The following TMEM44 variants were observed in gnomAD, a reference collection of about 807,000 sequenced individuals.
The protein encoded by TMEM44 is transmembrane protein 44.
In TMEM44, 43 loss-of-function variants were observed where a neutral mutation model predicts 47.8. The observed-to-expected ratio is 0.90, with a 90% confidence interval of 0.70 to 1.16. The LOEUF (loss-of-function observed/expected upper bound fraction) is 1.16, where lower values mean the gene tolerates loss of function less well. Ranked by LOEUF, TMEM44 falls within the 50% of genes most tolerant of loss-of-function variation. The pLI, the probability that TMEM44 is intolerant of heterozygous loss-of-function variation, is 0.00. For synonymous variants in TMEM44, 277 were observed against 238.8 expected (o/e 1.16, Z -1.48); for missense variants, 568 against 555.2 (o/e 1.02, Z -0.23).
rs937656914 is a variant in TMEM44 at position 194,588,440 on chromosome 3, C to T, written c.*89G>A. The stretch of plus-strand genomic sequence containing the variant: ...TTGCCAGGGCAGCTTCAGTTCCTGC[C>T]GCGGTGTCAGTGCAGATTGATTCCC... On this transcript the variant is annotated 3_prime_UTR_variant, in exon 10 of 10. Transcript: ENST00000347147. 1.9e-5 allele frequency: 22 copies of T among 1,160,440 alleles called. No homozygotes were observed. The highest frequency in any genetic ancestry group is 4.5e-5 in the African/African-American group (3 of 66,136). The allele number at this position is 1,160,440 out of a possible 1,614,324, so 71.9% of individuals were successfully genotyped here. A position where few individuals can be genotyped will look rare whatever the true frequency, so the allele number is the denominator to read the frequency against.
In TMEM44 at chr3:194,611,893, G is replaced by A. The variant is rs2109185144; in HGVS notation, c.913-873C>T. Among the ~76,000 whole-genome samples, 1 of 152,210 alleles carries A rather than the reference G, an allele frequency of 6.6e-6. No individual in the cohort carries two copies. Among genetic ancestry groups the A allele is most frequent in the African/African-American group, 2.4e-5 (1 of 41,536 alleles). ...AAAAATTGGCTGGGCAAGGTGGCGT[G>A]TGTCTGTAATCCTAGCTACGTGGGA... On this transcript the variant is annotated intron_variant, in intron 7 of 9. Transcript: ENST00000347147. This position sits in a 1 kb window ranked among gnomAD's most constrained non-coding sequence, Gnocchi z 4.2.
chr3:194,593,834 A>AG (rs1713047366), intron 9 of TMEM44, among the ~76,000 whole-genome samples: 1 of 152,014 alleles, frequency 6.6e-6, no homozygotes, highest in Non-Finnish European at 1.5e-5. Flanking sequence ...TTTTTGAGAG[A>AG]GGGGCTTGCT....
intron 9 of TMEM44, among the ~76,000 whole-genome samples, chr3:194,603,885 G>A (rs1019020027): frequency 3.3e-5 from 5 of 151,510 alleles, no homozygotes; most frequent in East Asian, 1.9e-4. Flanking sequence ...ACGGAGTCTC[G>A]TTCTGTTGCC....
At chr3:194,593,246 T>C (rs973425982) in intron 9 of TMEM44, among the ~76,000 whole-genome samples, 1 of 152,136 alleles carries the variant, frequency 6.6e-6, no homozygotes, top group Non-Finnish European at 1.5e-5. Flanking sequence ...CAGCAGCTAC[T>C]AGCAGTTACA....
chr3:194,592,865 G>A (rs1000075936), intron 9 of TMEM44, among the ~76,000 whole-genome samples: 6 of 152,046 alleles, frequency 3.9e-5, no homozygotes, highest in Non-Finnish European at 5.9e-5. Context: ...CGCCCACCTC[G>A]GCCTCCCAAA....
intron 1 of TMEM44, chr3:194,632,821 G>A: frequency 2.0e-6 from 1 of 495,992 alleles, no homozygotes; most frequent in South Asian, 2.2e-5. Context: ...TAGCACCCAG[G>A]GCTCGCGGTG....
At chr3:194,629,678 G>A (rs908733445) in intron 1 of TMEM44, among the ~76,000 whole-genome samples, 4 of 145,940 alleles carry the variant, frequency 2.7e-5, no homozygotes, top group Non-Finnish European at 4.5e-5. Context: ...TGTTTCCATC[G>A]GCGTCACTGA....
rs1480990161 is a variant in TMEM44, at chr3:194,623,133, C to G, written c.612+91G>C. 6.2e-6 allele frequency: 8 copies of G among 1,292,566 alleles called. No homozygotes were observed. The Admixed American group carries it at 1.9e-4, about 30-fold the overall frequency. The allele number at this position is 1,292,566 out of a possible 1,614,324, so 80.1% of individuals were successfully genotyped here. On this transcript the variant is annotated intron_variant, in intron 5 of 9. Transcript: ENST00000347147. ...CATGTCCATGCACCCACGGTGACGC[C>G]ACACCTCCGCCCCATGACCCTCTCA... is the stretch of plus-strand genomic sequence containing the variant.
intron 1 of TMEM44, 49 bp from the exon 2 acceptor site, chr3:194,628,558 C>G: frequency 9.0e-6 from 14 of 1,548,054 alleles, no homozygotes; most frequent in Non-Finnish European, 1.2e-5. Context: ...GAGTTTGGAC[C>G]CAAACGCATG....
intron 5 of TMEM44, among the ~76,000 whole-genome samples, chr3:194,621,688 C>T (rs1006159969): frequency 6.6e-6 from 1 of 152,074 alleles, no homozygotes; most frequent in African/African-American, 2.4e-5. Flanking sequence ...CCTGGAGCTG[C>T]TATTCAACCA....
In TMEM44 at chr3:194,633,302, T is replaced by C; in HGVS notation, c.-87A>G. Reference sequence around the variant, plus strand: ...AAGCCCCGAGCGCCGCCGCCCCGCGTGCCCTTCTCTGGGTTCCGTTCCGCC... The same window carrying C: ...AAGCCCCGAGCGCCGCCGCCCCGCGCGCCCTTCTCTGGGTTCCGTTCCGCC... On this transcript the variant is annotated 5_prime_UTR_variant, in exon 1 of 10. Transcript: ENST00000347147. 1 of 626,140 alleles carries C rather than the reference T, an allele frequency of 1.6e-6. No individual in the cohort carries two copies. The highest frequency in any genetic ancestry group is 2.0e-6 in the Non-Finnish European group (1 of 495,678). 38.8% of individuals were successfully genotyped at this position (626,140 alleles called of 1,614,324 possible). A position where few individuals can be genotyped will look rare whatever the true frequency, so the allele number is the denominator to read the frequency against.
intron 9 of TMEM44, among the ~76,000 whole-genome samples, chr3:194,598,483 T>A (rs950474529): frequency 6.6e-6 from 1 of 152,222 alleles, no homozygotes; most frequent in African/African-American, 2.4e-5. Context: ...ACCCCAGCCC[T>A]GCCACTTCTT....
chr3:194,616,430 C>G, intron 6 of TMEM44: 1 of 380,256 alleles, frequency 2.6e-6, no homozygotes, highest in African/African-American at 2.1e-5. Flanking sequence ...GGACTGGGCC[C>G]TAACTCCAAC....
chr3:194,617,878 C>G (rs1045983942), intron 5 of TMEM44: 22 of 620,176 alleles, frequency 3.5e-5, no homozygotes, highest in East Asian at 3.2e-4. Flanking sequence ...CTCCTGAGAT[C>G]TGGCTGTTCA....
chr3:194,631,033 C>T lies in TMEM44; in HGVS notation c.137+2046G>A, dbSNP rs370964485. Among the ~76,000 whole-genome samples the T allele has an allele frequency of 2.4e-3, 363 of 148,170 alleles. 1 individual carries two copies. Among genetic ancestry groups the T allele is most frequent in the Non-Finnish European group, 4.2e-3 (284 of 67,120 alleles). ...GCCTCCCGAAGGGGCTGGCTGTTTC[C>T]GTCGGCATCACTGATAGGGCCTCTG... On this transcript the variant is annotated intron_variant, in intron 1 of 9. Coordinates refer to ENST00000347147, the MANE Select transcript of TMEM44 (RefSeq NM_001011655.3).
intron 7 of TMEM44, 113 bp downstream of exon 7, chr3:194,615,456 A>G (rs1166358582): frequency 7.0e-7 from 1 of 1,426,676 alleles, no homozygotes; most frequent in Non-Finnish European, 9.5e-7. Context: ...GCCTGCAGAG[A>G]ACACTCGGCA....
At chr3:194,625,625 C>T (rs1036279323) in intron 3 of TMEM44, among the ~76,000 whole-genome samples, 16 of 152,110 alleles carry the variant, frequency 1.1e-4, no homozygotes, top group African/African-American at 2.4e-4. Context: ...GAATTACAGG[C>T]GCACGCCACC....
Position 194,633,230 on chromosome 3 carries a change from C to G in TMEM44, c.-15G>C. On this transcript the variant is annotated 5_prime_UTR_variant, in exon 1 of 10. Coordinates refer to ENST00000347147, the MANE Select transcript of TMEM44 (RefSeq NM_001011655.3). ...GCCTCCCCCATGGCGCGGCTGGGCGCGCGGCGCGGGGCCGGGGACCTGGGC... is the reference window on the plus strand; with the variant it reads ...GCCTCCCCCATGGCGCGGCTGGGCGGGCGGCGCGGGGCCGGGGACCTGGGC... 7.3e-7 allele frequency: 1 copy of G among 1,362,410 alleles called. No homozygotes were observed. The highest frequency in any genetic ancestry group is 9.5e-7 in the Non-Finnish European group (1 of 1,054,964). The allele number at this position is 1,362,410 out of a possible 1,614,324, so 84.4% of individuals were successfully genotyped here.
At chr3:194,597,788 C>T (rs1162736700) in intron 9 of TMEM44, among the ~76,000 whole-genome samples, 1 of 152,138 alleles carries the variant, frequency 6.6e-6, no homozygotes, top group Admixed American at 6.6e-5. Context: ...GTAAAAACAA[C>T]AGTGAAATGG....
Sources: allele counts gnomAD v4.1 joint callset (sites outside exome capture counted in the v4.1 genomes callset), GRCh38; gene constraint gnomAD v4.1.1; non-coding constraint Gnocchi (gnomAD v3.1); transcripts MANE v1.5; gene names NCBI Gene and HGNC (gene_info 2026-07-23, HGNC 2026-07-21).